The following BRIP1 variants were observed in gnomAD, a reference collection of about 807,000 sequenced individuals.
BRIP1 encodes BRCA1 interacting DNA helicase 1.
BRIP1 carries 88 observed loss-of-function variants against 119.7 expected under a neutral mutation model. That is an observed-to-expected ratio of 0.74 (90% confidence interval 0.62 to 0.88). The LOEUF (loss-of-function observed/expected upper bound fraction) is 0.88. BRIP1 is among the 40% of genes least tolerant of loss of function. The pLI is 0.00. For missense variants in BRIP1, 1,259 were observed against 1,455.4 expected (o/e 0.87, Z 2.20); for synonymous variants, 443 against 496.5 (o/e 0.89, Z 1.43).
In BRIP1 at chr17:61,751,843, A is replaced by C. The variant is rs1603306787; in HGVS notation, c.2098-7252T>G. Among the ~76,000 whole-genome samples the C allele has an allele frequency of 6.6e-6, 1 of 152,042 alleles. No homozygotes were observed. The highest frequency in any genetic ancestry group is 2.4e-5 in the African/African-American group (1 of 41,464). The stretch of plus-strand genomic sequence containing the variant: ...GAGTACAGTGGTGCGATCTCGGCTC[A>C]CTGAAATCTCCGCCTCCTGAGTTCA... On this transcript the variant is annotated intron_variant, in intron 14 of 19. Transcript: ENST00000259008. This position sits in a 1 kb window ranked among gnomAD's most constrained non-coding sequence, Gnocchi z 6.7.
chr17:61,821,009 G>A (rs2078314334), intron 6 of BRIP1, among the ~76,000 whole-genome samples: 1 of 151,814 alleles, frequency 6.6e-6, no homozygotes, highest in Non-Finnish European at 1.5e-5. Context: ...GGGGGCTTGA[G>A]CAAGAGGCTC....
In BRIP1 at chr17:61,685,841, TC is replaced by T. The variant is rs2061351777; in HGVS notation, c.2899del (p.Glu967ArgfsTer18). 6.2e-7 allele frequency: 1 copy of T among 1,608,238 alleles called. No homozygotes were observed. The highest frequency in any genetic ancestry group is 2.2e-5 in the East Asian group (1 of 44,830). On this transcript the variant is annotated frameshift_variant, in exon 19 of 20. Coordinates refer to ENST00000259008, the MANE Select transcript of BRIP1 (RefSeq NM_032043.3). LOFTEE classifies it low-confidence loss of function (END_TRUNC). The part of the protein sequence containing the change: ...PLPSSIISRK[E>X]KNDPVFLEEA... Reference sequence around the variant, plus strand: ...ATGGGAAGAACTTTTCATACTTTTCTCCTTTCTGGAGATAATGCTACTTGGT... The same window carrying T: ...ATGGGAAGAACTTTTCATACTTTTCTCTTTCTGGAGATAATGCTACTTGGT...
chr17:61,688,643 G>C (rs769927609), intron 18 of BRIP1, among the ~76,000 whole-genome samples: 21 of 151,870 alleles, frequency 1.4e-4, no homozygotes, highest in Non-Finnish European at 3.1e-4. Context: ...ACTGTGAGAG[G>C]TGGCTGTTTT....
In BRIP1 at chr17:61,738,664, A is replaced by G. The variant is rs2076949730; in HGVS notation, c.2379+4349T>C. Among the ~76,000 whole-genome samples, 1 of 152,214 alleles carries G rather than the reference A, an allele frequency of 6.6e-6. No homozygotes were observed. ...CAGATTGGTATAATAACAATGTTCA[A>G]AATCATAGCTGTTGAGGCAAAGGTG... On this transcript the variant is annotated intron_variant, in intron 16 of 19. Coordinates refer to ENST00000259008, the MANE Select transcript of BRIP1 (RefSeq NM_032043.3). This position sits in a 1 kb window ranked among gnomAD's most constrained non-coding sequence, Gnocchi z 4.2.
At position 61,753,770 on chromosome 17, in the gene BRIP1, AAAGAACAACAACAAC is replaced by A. The variant is rs1332705395; in HGVS notation, c.2098-9194_2098-9180del. On this transcript the variant is annotated intron_variant, in intron 14 of 19. Transcript: ENST00000259008. This position sits in a 1 kb window ranked among gnomAD's most constrained non-coding sequence, Gnocchi z 4.6. Reference sequence around the variant, plus strand: ...GTATGCACTGCCATGTCTGGCTTGAAAAGAACAACAACAACAACAACAACAAAAAACCAGAGAGGG... The same window carrying A: ...GTATGCACTGCCATGTCTGGCTTGAAAACAACAACAAAAAACCAGAGAGGG... Among the ~76,000 whole-genome samples, 2 of 150,048 alleles carry A rather than the reference AAAGAACAACAACAAC, an allele frequency of 1.3e-5. No individual in the cohort carries two copies. The highest frequency in any genetic ancestry group is 2.5e-5 in the African/African-American group (1 of 40,792).
At chr17:61,721,972 G>A (rs1373266437) in intron 16 of BRIP1, among the ~76,000 whole-genome samples, 3 of 150,564 alleles carry the variant, frequency 2.0e-5, no homozygotes, top group Non-Finnish European at 4.4e-5. Context: ...CAGGTGATCT[G>A]CCCACCTCAA....
intron 16 of BRIP1, among the ~76,000 whole-genome samples, chr17:61,721,454 A>G (rs2061973681): frequency 6.7e-6 from 1 of 150,132 alleles, no homozygotes; most frequent in Non-Finnish European, 1.5e-5. Context: ...TATTTTTAGT[A>G]GAGACAAGGT....
rs1326963370 is a variant in BRIP1, at chr17:61,823,356, A to T, written c.628-14599T>A. On this transcript the variant is annotated intron_variant, in intron 6 of 19. Transcript: ENST00000259008. The surrounding 1 kb of genome is among the most constrained non-coding windows in gnomAD (Gnocchi z 4.8). ...ACAAATTGGACAAGATATATGAAAC[A>T]GTACTTTTCAGACACTGAATTGTGA... Among the ~76,000 whole-genome samples, 1 of 152,264 alleles carries T rather than the reference A, an allele frequency of 6.6e-6. No homozygotes were observed. Among genetic ancestry groups the T allele is most frequent in the Non-Finnish European group, 1.5e-5 (1 of 68,050 alleles).
intron 14 of BRIP1, among the ~76,000 whole-genome samples, chr17:61,765,970 T>A (rs2077367997): frequency 6.6e-6 from 1 of 152,108 alleles, no homozygotes; most frequent in Non-Finnish European, 1.5e-5. Flanking sequence ...AGCTCTTATA[T>A]CTATCTTCCT....
chr17:61,848,126 GTTAC>G lies in BRIP1; in HGVS notation c.508-910_508-907del, dbSNP rs1249537526. On this transcript the variant is annotated intron_variant, in intron 5 of 19. Coordinates refer to ENST00000259008, the MANE Select transcript of BRIP1 (RefSeq NM_032043.3). The surrounding 1 kb of genome is among the most constrained non-coding windows in gnomAD (Gnocchi z 4.3). The stretch of plus-strand genomic sequence containing the variant: ...GAGTATACTCAATTAAAAGTACCCA[GTTAC>G]TTACCTACAAATAACATCCTAATTA... Among the ~76,000 whole-genome samples the G allele has an allele frequency of 6.6e-6, 1 of 152,056 alleles. No homozygotes were observed. Among genetic ancestry groups the G allele is most frequent in the Non-Finnish European group, 1.5e-5 (1 of 68,006 alleles).
chr17:61,776,027 G>A lies in BRIP1; in HGVS notation c.2097+374C>T, dbSNP rs762229638. Reference sequence around the variant, plus strand: ...GCCTCGCAGGTAGCTGGGACTATAGGTGTGTGCCACCACACCCAGCTAATT... The same window carrying A: ...GCCTCGCAGGTAGCTGGGACTATAGATGTGTGCCACCACACCCAGCTAATT... On this transcript the variant is annotated intron_variant, in intron 14 of 19. Coordinates refer to ENST00000259008, the MANE Select transcript of BRIP1 (RefSeq NM_032043.3). This position sits in a 1 kb window ranked among gnomAD's most constrained non-coding sequence, Gnocchi z 5.0. The A allele has an allele frequency of 1.7e-5, 5 of 293,486 alleles. No homozygotes were observed. Among genetic ancestry groups the A allele is most frequent in the East Asian group, 8.8e-5 (1 of 11,364 alleles). 18.2% of individuals were successfully genotyped at this position (293,486 alleles called of 1,614,324 possible).
chr17:61,771,273 AGT>A (rs1227931780), intron 14 of BRIP1, among the ~76,000 whole-genome samples: 1 of 152,246 alleles, frequency 6.6e-6, no homozygotes, highest in Admixed American at 6.5e-5. Context: ...AAGAGTAGGC[AGT>A]GACTGTTAAT....
intron 14 of BRIP1, among the ~76,000 whole-genome samples, chr17:61,765,379 T>TTACA (rs2077340604): frequency 2.6e-5 from 1 of 37,740 alleles, no homozygotes; most frequent in Non-Finnish European, 4.5e-5. Flanking sequence ...TGTGTATATA[T>TTACA]TATATATATA....
rs541509740 is a variant in BRIP1, at chr17:61,772,833, A to C, written c.2097+3568T>G. On this transcript the variant is annotated intron_variant, in intron 14 of 19. Coordinates refer to ENST00000259008, the MANE Select transcript of BRIP1 (RefSeq NM_032043.3). The stretch of plus-strand genomic sequence containing the variant: ...AATTCCATCTCAGAAAAAAAAAAAA[A>C]AAAAAAAAAACCTAAATTTTGTTAT... Among the ~76,000 whole-genome samples the C allele has an allele frequency of 3.6e-3, 550 of 151,324 alleles. 3 individuals carry two copies. The highest frequency in any genetic ancestry group is 0.031 in the East Asian group (162 of 5,162).
In BRIP1 at chr17:61,757,176, T is replaced by C. The variant is rs926047393; in HGVS notation, c.2098-12585A>G. Among the ~76,000 whole-genome samples, 2 of 152,232 alleles carry C rather than the reference T, an allele frequency of 1.3e-5. No individual in the cohort carries two copies. Among genetic ancestry groups the C allele is most frequent in the Non-Finnish European group, 2.9e-5 (2 of 68,038 alleles). ...TGAAAAAGTAGTAGTGTTTTTTAAA[T>C]AACTTTTTTAGTTACAGTAAAAATG... On this transcript the variant is annotated intron_variant, in intron 14 of 19. Coordinates refer to ENST00000259008, the MANE Select transcript of BRIP1 (RefSeq NM_032043.3). This position sits in a 1 kb window ranked among gnomAD's most constrained non-coding sequence, Gnocchi z 4.3.
At position 61,716,033 on chromosome 17, in the gene BRIP1, G is replaced by T; in HGVS notation, c.2410C>A (p.His804Asn). The change falls in exon 17 of 20, where the codon CAT becomes AAT. Residue 804 changes from histidine to asparagine, a missense_variant. His to Asn is a moderately conservative substitution (Grantham distance 68, BLOSUM62 1). Around this residue, in one of 3 missense-constraint regions of BRIP1, gnomAD observed 753 missense variants for 891.8 expected, o/e 0.84. Transcript: ENST00000259008. ...VELKRQYNDH[H>N]SKLRGLLPGR... ...GGTAGAAGACCTCTCAATTTTGAATGGTGGTCATTGTATTGTCGTTTTAGT... is the reference window on the plus strand; with the variant it reads ...GGTAGAAGACCTCTCAATTTTGAATTGTGGTCATTGTATTGTCGTTTTAGT... The T allele has an allele frequency of 6.2e-7, 1 of 1,606,186 alleles. No individual in the cohort carries two copies. The highest frequency in any genetic ancestry group is 8.5e-7 in the Non-Finnish European group (1 of 1,175,616).
At chr17:61,839,631 A>G (rs895820113) in intron 6 of BRIP1, among the ~76,000 whole-genome samples, 1 of 152,178 alleles carries the variant, frequency 6.6e-6, no homozygotes, top group African/African-American at 2.4e-5. Flanking sequence ...GTGAAATGTT[A>G]TCATTTGAGG....
At position 61,847,209 on chromosome 17, in the gene BRIP1, AC is replaced by A; in HGVS notation, c.518del (p.Arg173LeufsTer21). ...TGTGTACTTCTGTTCCAAAGCAATG[AC>A]GTTTTCTAATCTGTAAACACAGAAC... The part of the protein sequence containing the change: ...PLETTQQIRK[R>X]HCFGTEVHNL... On this transcript the variant is annotated frameshift_variant, in exon 6 of 20. Transcript: ENST00000259008. LOFTEE classifies it high-confidence loss of function. The A allele has an allele frequency of 6.2e-7, 1 of 1,613,820 alleles. No individual in the cohort carries two copies. Among genetic ancestry groups the A allele is most frequent in the Non-Finnish European group, 8.5e-7 (1 of 1,179,810 alleles).
In BRIP1 at chr17:61,808,738, C is replaced by G; in HGVS notation, c.647G>C (p.Arg216Thr). Residue 216 changes from arginine to threonine, a missense_variant, in exon 7 of 20, where the codon AGG becomes ACG. Transcript: ENST00000259008. This position sits in a 1 kb window ranked among gnomAD's most constrained non-coding sequence, Gnocchi z 4.1. ...SPQKPPGHCS[R>T]CCCSTKQGNS... ...TCCTTGTTTAGTAGAACAACAGCAC[C>G]TAGAACAGTGGCCAGGGGGCTGTAA... 6.2e-7 allele frequency: 1 copy of G among 1,613,220 alleles called. No homozygotes were observed.
Sources: gnomAD v4.1 joint callset for allele counts (sites outside exome capture counted in the v4.1 genomes callset) on GRCh38, gnomAD v4.1.1 for gene constraint, gnomAD v4.1.1 regional missense constraint, Gnocchi (gnomAD v3.1) non-coding constraint, MANE v1.5 for transcripts, NCBI Gene and HGNC (gene_info 2026-07-23, HGNC 2026-07-21) for gene names.